The following EPHA5 variants were observed in gnomAD, a reference collection of about 807,000 sequenced individuals.
EPHA5 encodes the protein ephrin type-A receptor 5.
In EPHA5, 60 loss-of-function variants were observed where a neutral mutation model predicts 105.0. The ratio of observed to expected loss-of-function variants is 0.57; its 90% confidence interval spans 0.46 to 0.71. The LOEUF is 0.71. EPHA5 is among the 30% of genes least tolerant of loss of function. The probability of loss-of-function intolerance (pLI) is 0.00; values close to 1 mark genes in which losing one functional copy is unlikely to be tolerated. For missense variants in EPHA5, 1,218 were observed against 1,274.7 expected (o/e 0.96, Z 0.68); for synonymous variants, 513 against 449.1 (o/e 1.14, Z -1.80).
rs1740396860 is a variant in EPHA5, at chr4:65,573,227, C to G, written c.910+28414G>C. On this transcript the variant is annotated intron_variant, in intron 3 of 16. Transcript: ENST00000613740. ...GATATAGAGACCATCCTCGCTAACACGGTGAAACCCCGTCTCTACTAAAAA... is the reference window on the plus strand; with the variant it reads ...GATATAGAGACCATCCTCGCTAACAGGGTGAAACCCCGTCTCTACTAAAAA... 3.3e-5 allele frequency among the ~76,000 whole-genome samples: 5 copies of G among 150,696 alleles called. No homozygotes were observed. The South Asian group carries it at 1.1e-3, about 32-fold the overall frequency.
intron 3 of EPHA5, among the ~76,000 whole-genome samples, chr4:65,578,486 G>C (rs985635142): frequency 2.0e-5 from 3 of 152,114 alleles, no homozygotes; most frequent in Non-Finnish European, 4.4e-5. Flanking sequence ...ACAGACAAAT[G>C]CTCCAACTGC....
At chr4:65,373,668 T>A (rs972307368) in intron 8 of EPHA5, among the ~76,000 whole-genome samples, 9 of 151,970 alleles carry the variant, frequency 5.9e-5, no homozygotes, top group African/African-American at 2.2e-4. Context: ...TCATTTATTA[T>A]GTCTCTGATT....
intron 3 of EPHA5, among the ~76,000 whole-genome samples, chr4:65,518,907 T>G (rs963718543): frequency 6.6e-6 from 1 of 152,066 alleles, no homozygotes; most frequent in Admixed American, 6.6e-5. Context: ...CTGGTATCAT[T>G]CCTTCTGAAA....
chr4:65,659,594 A>G (rs941813263), intron 1 of EPHA5, among the ~76,000 whole-genome samples: 2 of 152,038 alleles, frequency 1.3e-5, no homozygotes, highest in African/African-American at 4.8e-5. Context: ...TACATTTTTT[A>G]AGACTTGTTT....
chr4:65,570,988 C>G (rs572636699), intron 3 of EPHA5, among the ~76,000 whole-genome samples: 1 of 152,030 alleles, frequency 6.6e-6, no homozygotes, highest in African/African-American at 2.4e-5. Context: ...TCATAGCAAT[C>G]ATTGATTTCA....
At chr4:65,428,917 CAG>C (rs1457411993) in intron 5 of EPHA5, among the ~76,000 whole-genome samples, 2 of 151,942 alleles carry the variant, frequency 1.3e-5, no homozygotes, top group East Asian at 3.9e-4. Context: ...TGTAAAATAA[CAG>C]TGCAAATCAC....
intron 2 of EPHA5, among the ~76,000 whole-genome samples, chr4:65,611,044 G>A (rs1269494082): frequency 6.6e-6 from 1 of 152,092 alleles, no homozygotes; most frequent in Non-Finnish European, 1.5e-5. Flanking sequence ...TTTCTTAAGA[G>A]TGATTGCAAT....
chr4:65,418,191 C>A (rs1723576686), intron 6 of EPHA5, among the ~76,000 whole-genome samples: 1 of 152,062 alleles, frequency 6.6e-6, no homozygotes, highest in Non-Finnish European at 1.5e-5. Flanking sequence ...ACAATGTTCA[C>A]AACAGAATTC....
chr4:65,534,679 T>C (rs1171475365), intron 3 of EPHA5, among the ~76,000 whole-genome samples: 1 of 152,160 alleles, frequency 6.6e-6, no homozygotes, highest in Non-Finnish European at 1.5e-5. Context: ...TGAAACCTGA[T>C]CTCAGATAAA....
At chr4:65,510,336 C>T (rs565130001) in intron 3 of EPHA5, among the ~76,000 whole-genome samples, 31 of 152,006 alleles carry the variant, frequency 2.0e-4, no homozygotes, top group Admixed American at 5.3e-4. Context: ...TGAGCCACTA[C>T]GCTCGGTGGA....
intron 2 of EPHA5, among the ~76,000 whole-genome samples, chr4:65,616,012 A>G (rs1745202847): frequency 6.6e-6 from 1 of 151,970 alleles, no homozygotes; most frequent in South Asian, 2.1e-4. Flanking sequence ...TGTTTATGGT[A>G]GCCGAAAACT....
intron 3 of EPHA5, among the ~76,000 whole-genome samples, chr4:65,570,396 C>A (rs9994092): frequency 0.083 from 12,461 of 151,020 alleles, 576 homozygotes; most frequent in Admixed American, 0.12. Flanking sequence ...TTAGTTTTTG[C>A]TATGGTTGGT....
intron 12 of EPHA5, 108 bp from the exon 13 acceptor site, chr4:65,351,706 C>T: frequency 1.1e-6 from 1 of 914,826 alleles, no homozygotes; most frequent in Non-Finnish European, 1.7e-6. Context: ...CGCTAAAATT[C>T]ATATGCAATT....
intron 14 of EPHA5, among the ~76,000 whole-genome samples, chr4:65,342,304 G>A (rs1055625413): frequency 6.6e-6 from 1 of 151,762 alleles, no homozygotes; most frequent in Non-Finnish European, 1.5e-5. Flanking sequence ...ATCCAAGGGC[G>A]GCATTATCCT....
chr4:65,490,453 C>T lies in EPHA5; in HGVS notation c.1326G>A (p.Glu442=), dbSNP rs1444640928. 12 of 1,614,038 alleles carry T rather than the reference C, an allele frequency of 7.4e-6. No individual in the cohort carries two copies. Among genetic ancestry groups the T allele is most frequent in the Admixed American group, 3.3e-5 (2 of 60,004 alleles). Residue 442 remains glutamate, a synonymous_variant, in exon 5 of 17, where the codon GAG becomes GAA. Transcript: ENST00000613740. The stretch of plus-strand genomic sequence containing the variant: ...TCAAGTCGGACACTCCATTCACTGC[C>T]TCAATCTCAAAGGTATAGTTTGTGT... ...LAHTNYTFEI[E]AVNGVSDLSP...
At chr4:65,365,364 A>C (rs1475111286) in intron 10 of EPHA5, among the ~76,000 whole-genome samples, 162 bp from the exon 11 acceptor site, 1 of 151,434 alleles carries the variant, frequency 6.6e-6, no homozygotes, top group Admixed American at 6.6e-5. Context: ...TCTACACTAC[A>C]TTATTGATAG....
intron 10 of EPHA5, 103 bp from the exon 11 acceptor site, chr4:65,365,305 A>G (rs1577925681): frequency 1.5e-5 from 12 of 796,650 alleles, no homozygotes; most frequent in East Asian, 8.0e-5. Context: ...GAAAAAACAA[A>G]CAAACAAACA....
intron 3 of EPHA5, among the ~76,000 whole-genome samples, chr4:65,587,865 G>T (rs985964267): frequency 1.3e-5 from 2 of 152,084 alleles, no homozygotes; most frequent in Admixed American, 1.3e-4. Flanking sequence ...GACAACTCTG[G>T]TGGCTCCTGT....
chr4:65,522,316 G>GTA (rs58851174), intron 3 of EPHA5, among the ~76,000 whole-genome samples: 2,241 of 142,842 alleles, frequency 0.016, 81 homozygotes, highest in African/African-American at 0.052. Context: ...ATATATATAT[G>GTA]TATATATATA....
Sources: gnomAD v4.1 joint callset for allele counts (sites outside exome capture counted in the v4.1 genomes callset) on GRCh38, gnomAD v4.1.1 for gene constraint, MANE v1.5 for transcripts, NCBI Gene and HGNC (gene_info 2026-07-23, HGNC 2026-07-21) for gene names.